The following ROBO1 variants were observed in gnomAD, a reference collection of about 807,000 sequenced individuals.
ROBO1 encodes roundabout homolog 1.
Under a neutral mutation model 195.9 loss-of-function variants are expected in ROBO1, and 149 were observed. That is an observed-to-expected ratio of 0.76 (90% CI 0.67 to 0.87). The LOEUF (loss-of-function observed/expected upper bound fraction) is 0.87, where lower values mean the gene tolerates loss of function less well. Ranked by LOEUF, ROBO1 falls within the 40% of genes least tolerant of loss-of-function variation. The pLI is 0.00. For missense variants in ROBO1, 1,933 were observed against 2,068.3 expected (o/e 0.93, Z 1.27); for synonymous variants, 816 against 733.2 (o/e 1.11, Z -1.82).
At chr3:79,608,103 C>T (rs1307785626) in intron 1 of ROBO1, among the ~76,000 whole-genome samples, 1 of 151,874 alleles carries the variant, frequency 6.6e-6, no homozygotes, top group Non-Finnish European at 1.5e-5. Flanking sequence ...TATAGACAGT[C>T]CTGGGTATAC....
At chr3:79,124,678 TACA>T (rs1036925715) in intron 3 of ROBO1, among the ~76,000 whole-genome samples, 7 of 152,168 alleles carry the variant, frequency 4.6e-5, no homozygotes, top group South Asian at 2.1e-4. Context: ...TAGCTGATCT[TACA>T]ACAAGACCAC....
intron 2 of ROBO1, among the ~76,000 whole-genome samples, chr3:79,234,818 T>C (rs563178222): frequency 3.3e-5 from 5 of 152,200 alleles, no homozygotes; most frequent in African/African-American, 4.8e-5. Flanking sequence ...TGATGATTCC[T>C]AGATTGTAGG....
intron 2 of ROBO1, among the ~76,000 whole-genome samples, chr3:79,266,082 A>G (rs1157656499): frequency 6.6e-6 from 1 of 151,558 alleles, no homozygotes; most frequent in Non-Finnish European, 1.5e-5. Context: ...TTGTAAATCA[A>G]TGCATTTACC....
intron 1 of ROBO1, among the ~76,000 whole-genome samples, chr3:79,710,417 T>C (rs1464944099): frequency 6.6e-6 from 1 of 152,092 alleles, no homozygotes; most frequent in African/African-American, 2.4e-5. Flanking sequence ...GCAGCCAAAA[T>C]GGAAGCCAGA....
chr3:79,050,984 A>G (rs2078685765), intron 3 of ROBO1, among the ~76,000 whole-genome samples: 1 of 152,182 alleles, frequency 6.6e-6, no homozygotes. Flanking sequence ...ACACCCTAAC[A>G]TCACAATTAA....
chr3:78,882,999 G>A lies in ROBO1; in HGVS notation c.499+55602C>T, dbSNP rs543180243. ...GGCTAATTTTTGTATTTTTAGTAGA[G>A]ATGGGGTTTCACCATGTTGGCCAGG... On this transcript the variant is annotated intron_variant, in intron 4 of 30. Coordinates refer to ENST00000464233, the MANE Select transcript of ROBO1 (RefSeq NM_002941.4). Among the ~76,000 whole-genome samples, 41 of 151,930 alleles carry A rather than the reference G, an allele frequency of 2.7e-4. No homozygotes were observed. In the South Asian group the frequency reaches 2.7e-3, roughly 10 times the overall value.
At position 78,606,622 on chromosome 3, in the gene ROBO1, G is replaced by A. The variant is rs1575763415; in HGVS notation, c.4744+111C>T. 4.8e-6 allele frequency: 5 copies of A among 1,047,464 alleles called. No homozygotes were observed. In the East Asian group the frequency reaches 1.2e-4, roughly 25 times the overall value. 64.9% of individuals were successfully genotyped at this position (1,047,464 alleles called of 1,614,324 possible). On this transcript the variant is annotated intron_variant, in intron 29 of 30. Coordinates refer to ENST00000464233, the MANE Select transcript of ROBO1 (RefSeq NM_002941.4). ...GAGTACATGCCTATCTCCTCCACTG[G>A]AGAGCAAACTTCTTAATCTTACCAC...
intron 2 of ROBO1, among the ~76,000 whole-genome samples, chr3:79,565,131 A>T (rs866636651): frequency 6.6e-6 from 1 of 152,128 alleles, no homozygotes; most frequent in African/African-American, 2.4e-5. Context: ...AACTATAAAG[A>T]TAATGGCTTA....
intron 30 of ROBO1, 61 bp downstream of exon 30, chr3:78,600,052 C>CCTAA (rs1466020753): frequency 7.5e-7 from 1 of 1,332,798 alleles, no homozygotes; most frequent in East Asian, 2.3e-5. Context: ...GATGAAGGTT[C>CCTAA]CTAACTACAT....
intron 2 of ROBO1, among the ~76,000 whole-genome samples, chr3:79,235,976 C>G (rs2082400011): frequency 6.6e-6 from 1 of 152,040 alleles, no homozygotes; most frequent in African/African-American, 2.4e-5. Flanking sequence ...ACAGTTATCA[C>G]AGATACGTCC....
At position 79,068,323 on chromosome 3, in the gene ROBO1, T is replaced by C. The variant is rs1358900444; in HGVS notation, c.172+57133A>G. On this transcript the variant is annotated intron_variant, in intron 3 of 30. Transcript: ENST00000464233. ...TGAATGATATGGATGTTGCTATGGA[T>C]ATTGCAGAAACATAGGGTTTTTACC... Among the ~76,000 whole-genome samples the C allele has an allele frequency of 2.6e-5, 4 of 151,840 alleles. No individual in the cohort carries two copies. In the East Asian group the frequency reaches 7.8e-4, roughly 30 times the overall value.
intron 3 of ROBO1, among the ~76,000 whole-genome samples, chr3:79,000,291 T>C (rs541383536): frequency 6.6e-6 from 1 of 152,236 alleles, no homozygotes; most frequent in Admixed American, 6.5e-5. Flanking sequence ...TGTAAATTTG[T>C]TTAAGTTCCT....
At chr3:79,096,149 C>T (rs2079561514) in intron 3 of ROBO1, among the ~76,000 whole-genome samples, 1 of 151,890 alleles carries the variant, frequency 6.6e-6, no homozygotes, top group Non-Finnish European at 1.5e-5. Flanking sequence ...ATGCAATGTT[C>T]TTGTCCAAAG....
At chr3:78,900,004 A>G (rs2037488413) in intron 4 of ROBO1, among the ~76,000 whole-genome samples, 1 of 152,200 alleles carries the variant, frequency 6.6e-6, no homozygotes, top group African/African-American at 2.4e-5. Flanking sequence ...CTCTCTGGGT[A>G]CTAGTCAGAA....
intron 2 of ROBO1, among the ~76,000 whole-genome samples, chr3:79,211,767 G>T (rs756489532): frequency 7.2e-5 from 11 of 152,138 alleles, no homozygotes; most frequent in Non-Finnish European, 1.3e-4. Flanking sequence ...TCCTTTTCTT[G>T]CTTGACTGAT....
At chr3:78,839,253 T>G (rs2106715374) in intron 4 of ROBO1, among the ~76,000 whole-genome samples, 1 of 152,212 alleles carries the variant, frequency 6.6e-6, no homozygotes. Flanking sequence ...TAAAAATTAT[T>G]ACTACTACCA....
At chr3:79,256,669 C>A (rs1318350091) in intron 2 of ROBO1, among the ~76,000 whole-genome samples, 1 of 152,062 alleles carries the variant, frequency 6.6e-6, no homozygotes, top group Non-Finnish European at 1.5e-5. Flanking sequence ...CTTAAGTTTA[C>A]AAAATGCCTT....
At chr3:79,519,628 C>CAAAAAAAAAAAAAAAA (rs71631657) in intron 2 of ROBO1, among the ~76,000 whole-genome samples, 112 of 64,616 alleles carry the variant, frequency 1.7e-3, no homozygotes, top group Non-Finnish European at 2.3e-3. Flanking sequence ...GACTCCTGCT[C>CAAAAAAAAAAAAAAAA]AAAAAAAAAA....
At chr3:78,612,105 TATA>T (rs1703853216) in intron 28 of ROBO1, among the ~76,000 whole-genome samples, 1 of 152,210 alleles carries the variant, frequency 6.6e-6, no homozygotes, top group African/African-American at 2.4e-5. Context: ...TCCTTCTTTA[TATA>T]GTTTTTAAAG....
Sources: allele counts gnomAD v4.1 joint callset (sites outside exome capture counted in the v4.1 genomes callset), GRCh38; gene constraint gnomAD v4.1.1; transcripts MANE v1.5; gene names NCBI Gene and HGNC (gene_info 2026-07-23, HGNC 2026-07-21).